Variants in KIAA0586 observed in about 807,000 individuals in gnomAD.
KIAA0586 encodes the protein KIAA0586, also known as protein TALPID3.
A neutral mutation model predicts 169.8 loss-of-function variants in KIAA0586; 144 were observed. The observed-to-expected ratio is 0.85, with a 90% CI of 0.74 to 0.97. The LOEUF is 0.97. Ranked by LOEUF, KIAA0586 falls within the 50% of genes least tolerant of loss-of-function variation. KIAA0586 has a pLI of 0.00. For missense variants in KIAA0586, 1,854 were observed against 1,823.0 expected (o/e 1.02, Z -0.31); for synonymous variants, 625 against 612.4 (o/e 1.02, Z -0.30).
At chr14:58,431,804 C>T in intron 3 of KIAA0586, among the ~76,000 whole-genome samples, 1 of 151,888 alleles carries the variant, frequency 6.6e-6, no homozygotes, top group Non-Finnish European at 1.5e-5. Flanking sequence ...TAAATGTATT[C>T]CTAGGAATTT....
intron 16 of KIAA0586, among the ~76,000 whole-genome samples, chr14:58,468,367 A>G (rs1371050919): frequency 6.6e-6 from 1 of 152,152 alleles, no homozygotes; most frequent in Non-Finnish European, 1.5e-5. Flanking sequence ...GTTATTTTTA[A>G]AACTGTGATA....
chr14:58,513,178 T>G (rs918820804), intron 29 of KIAA0586, among the ~76,000 whole-genome samples: 1 of 146,938 alleles, frequency 6.8e-6, no homozygotes, highest in Admixed American at 6.6e-5. Context: ...GCTGTTGGCC[T>G]TGTGTTTTGT....
chr14:58,455,903 A>G (rs1267042502), intron 9 of KIAA0586, among the ~76,000 whole-genome samples: 1 of 152,180 alleles, frequency 6.6e-6, no homozygotes, highest in African/African-American at 2.4e-5. Flanking sequence ...TCCTAGGAAT[A>G]TGTTGGAGCT....
At chr14:58,468,191 G>A (rs1211900947) in intron 16 of KIAA0586, among the ~76,000 whole-genome samples, 5 of 151,910 alleles carry the variant, frequency 3.3e-5, no homozygotes, top group East Asian at 1.9e-4. Context: ...GATTACAGGC[G>A]CCCGCCACCA....
intron 15 of KIAA0586, among the ~76,000 whole-genome samples, chr14:58,466,347 A>AT (rs1486454676): frequency 6.6e-6 from 1 of 152,188 alleles, no homozygotes; most frequent in African/African-American, 2.4e-5. Flanking sequence ...ATGCTGTGTA[A>AT]TAGCAATCTC....
chr14:58,427,774 TA>T lies in KIAA0586; in HGVS notation c.-490del. 1 of 1,524,714 alleles carries T rather than the reference TA, an allele frequency of 6.6e-7. No homozygotes were observed. The highest frequency in any genetic ancestry group is 8.8e-7 in the Non-Finnish European group (1 of 1,141,752). The allele number at this position is 1,524,714 out of a possible 1,614,324, so 94.4% of individuals were successfully genotyped here. A position where few individuals can be genotyped will look rare whatever the true frequency, so the allele number is the denominator to read the frequency against. ...GGGTCTCGGGCGTTCTGGAGATACG[TA>T]GGGGTGAATTTATGTTTCCGACGAT... On this transcript the variant is annotated 5_prime_UTR_variant, in exon 1 of 31. Coordinates refer to ENST00000652326, the MANE Select transcript of KIAA0586 (RefSeq NM_001329943.3).
chr14:58,541,909 A>T (rs2046657977), intron 30 of KIAA0586, among the ~76,000 whole-genome samples: 1 of 152,328 alleles, frequency 6.6e-6, no homozygotes, highest in African/African-American at 2.4e-5. Flanking sequence ...AAACAATTAC[A>T]TCATAGAGTA....
chr14:58,474,929 G>A, intron 19 of KIAA0586, 132 bp downstream of exon 19: 1 of 697,364 alleles, frequency 1.4e-6, no homozygotes, highest in Non-Finnish European at 2.3e-6. Context: ...TCACTGGAAA[G>A]TGTTTGATAT....
chr14:58,477,419 A>G (rs1187995782), intron 20 of KIAA0586, among the ~76,000 whole-genome samples, 178 bp downstream of exon 20: 1 of 152,094 alleles, frequency 6.6e-6, no homozygotes, highest in Non-Finnish European at 1.5e-5. Flanking sequence ...CTTATTTCAT[A>G]TTGCAGCTTT....
chr14:58,524,145 T>TA (rs1485425179), intron 29 of KIAA0586, among the ~76,000 whole-genome samples: 1 of 152,198 alleles, frequency 6.6e-6, no homozygotes, highest in Non-Finnish European at 1.5e-5. Flanking sequence ...GAGATGTAGC[T>TA]ACGCAGCTGT....
intron 4 of KIAA0586, among the ~76,000 whole-genome samples, chr14:58,435,040 C>T (rs2037702277): frequency 6.6e-6 from 1 of 152,236 alleles, no homozygotes; most frequent in South Asian, 2.1e-4. Flanking sequence ...CCTCCCGTCT[C>T]AGCCTTTGAA....
chr14:58,438,231 GC>G (rs200381169), intron 4 of KIAA0586, among the ~76,000 whole-genome samples: 1,752 of 152,150 alleles, frequency 0.012, 17 homozygotes, highest in Middle Eastern at 0.054. Flanking sequence ...ATATGTCGTA[GC>G]TCTTTACATT....
At position 58,460,033 on chromosome 14, in the gene KIAA0586, G is replaced by T; in HGVS notation, c.1847G>T (p.Gly616Val). The change falls in exon 13 of 31, where the codon GGC becomes GTC. Residue 616 changes from glycine (G) to valine (V), a missense_variant. Coordinates refer to ENST00000652326, the MANE Select transcript of KIAA0586 (RefSeq NM_001329943.3). ...CATTTTAGAAATCTACCTATGAGGG[G>T]CATGCCTGCTTCAAGTTTACAGAAA... ...EEHFRNLPMR[G>V]MPASSLQKER... 6.5e-7 allele frequency: 1 copy of T among 1,531,730 alleles called. No individual in the cohort carries two copies. Among genetic ancestry groups the T allele is most frequent in the Non-Finnish European group, 8.7e-7 (1 of 1,144,492 alleles). The allele number at this position is 1,531,730 out of a possible 1,614,324, so 94.9% of individuals were successfully genotyped here.
chr14:58,445,514 A>G lies in KIAA0586; in HGVS notation c.807+1339A>G, dbSNP rs549634826. 2.0e-5 allele frequency among the ~76,000 whole-genome samples: 3 copies of G among 150,330 alleles called. No individual in the cohort carries two copies. The South Asian group carries it at 6.3e-4, about 32-fold the overall frequency. On this transcript the variant is annotated intron_variant, in intron 6 of 30. Transcript: ENST00000652326. ...AGTGGTGTGTTTTCGGCTCACTGCAACCTCCACCTCCCAGATTCAAGTGAT... is the reference window on the plus strand; with the variant it reads ...AGTGGTGTGTTTTCGGCTCACTGCAGCCTCCACCTCCCAGATTCAAGTGAT...
rs145258839 is a variant in KIAA0586, at chr14:58,542,907, C to T, written c.4495+2771C>T. ...CTGTAATCCCAGCACTTTGGGAGGC[C>T]GAGGCAGGTGGATCACGAGATCAGG... On this transcript the variant is annotated intron_variant, in intron 30 of 30. Transcript: ENST00000652326. Among the ~76,000 whole-genome samples, 1,491 of 151,284 alleles carry T rather than the reference C, an allele frequency of 9.9e-3. 8 individuals carry two copies. Among genetic ancestry groups the T allele is most frequent in the Non-Finnish European group, 0.016 (1,085 of 67,774 alleles).
intron 29 of KIAA0586, among the ~76,000 whole-genome samples, chr14:58,531,304 G>A (rs1310593532): frequency 6.7e-6 from 1 of 150,286 alleles, no homozygotes; most frequent in African/African-American, 2.4e-5. Context: ...TCCAGCCTGG[G>A]GGACAGACCG....
At chr14:58,470,536 C>G (rs1186905556) in intron 16 of KIAA0586, 77 bp from the exon 17 acceptor site, 1 of 793,862 alleles carries the variant, frequency 1.3e-6, no homozygotes, top group African/African-American at 1.7e-5. Flanking sequence ...CACACATATA[C>G]ATGTATATAC....
rs1367666839 is a variant in KIAA0586 at position 58,487,749 on chromosome 14, C to A, written c.3305-138C>A. On this transcript the variant is annotated intron_variant, in intron 22 of 30. Transcript: ENST00000652326. Reference sequence around the variant, plus strand: ...TCACATTAATGGCTACCACCATTGTCATTATTATTATTAATTATAATTGCC... The same window carrying A: ...TCACATTAATGGCTACCACCATTGTAATTATTATTATTAATTATAATTGCC... 4.9e-6 allele frequency: 3 copies of A among 612,314 alleles called. No homozygotes were observed. In the African/African-American group the frequency reaches 5.6e-5, roughly 11 times the overall value. 37.9% of individuals were successfully genotyped at this position (612,314 alleles called of 1,614,324 possible).
At chr14:58,544,023 C>T (rs1014555711) in intron 30 of KIAA0586, 8 of 426,218 alleles carry the variant, frequency 1.9e-5, no homozygotes, top group African/African-American at 1.4e-4. Context: ...TCCTCTCACC[C>T]TCCAGTCTCA....
Sources: allele counts gnomAD v4.1 joint callset (sites outside exome capture counted in the v4.1 genomes callset), GRCh38; gene constraint gnomAD v4.1.1; transcripts MANE v1.5; gene names NCBI Gene and HGNC (gene_info 2026-07-23, HGNC 2026-07-21).